Variants in GABPB1 observed in about 807,000 individuals in gnomAD.
GABPB1 encodes GA binding protein transcription factor subunit beta 1.
Under a neutral mutation model 45.9 loss-of-function variants are expected in GABPB1, and 15 were observed. The observed-to-expected ratio is 0.33, with a 90% CI of 0.22 to 0.50. The LOEUF is 0.50. Among genes scored for constraint, GABPB1 ranks in the 20% least tolerant of loss-of-function variants. The probability of loss-of-function intolerance (pLI) is 0.98; values close to 1 mark genes in which losing one functional copy is unlikely to be tolerated. For missense variants in GABPB1, 252 were observed against 457.5 expected (o/e 0.55, Z 4.10); for synonymous variants, 143 against 154.4 (o/e 0.93, Z 0.55).
At chr15:50,301,455 G>T in intron 4 of GABPB1, 87 bp from the exon 5 acceptor site, 1 of 1,186,620 alleles carries the variant, frequency 8.4e-7, no homozygotes, top group Non-Finnish European at 1.2e-6. Context: ...ACATATAAAG[G>T]AGTATTCTCT....
At chr15:50,324,540 C>CTTTTT (rs575280667) in intron 1 of GABPB1, among the ~76,000 whole-genome samples, 15 of 114,210 alleles carry the variant, frequency 1.3e-4, no homozygotes, top group East Asian at 2.9e-4. Context: ...GTCTCCGTGG[C>CTTTTT]TTTTTTTTTT....
chr15:50,315,946 C>T (rs996333823), intron 1 of GABPB1, among the ~76,000 whole-genome samples: 2 of 152,018 alleles, frequency 1.3e-5, no homozygotes, highest in African/African-American at 4.8e-5. Flanking sequence ...TGGGTGTGGT[C>T]CCAGCTACTC....
chr15:50,313,537 T>A (rs2047203046), intron 1 of GABPB1, among the ~76,000 whole-genome samples: 1 of 152,108 alleles, frequency 6.6e-6, no homozygotes, highest in African/African-American at 2.4e-5. Context: ...GATTTATCAG[T>A]AAAGATTATA....
rs575586274 is a variant in GABPB1 at position 50,335,156 on chromosome 15, CTTGT to C, written c.-1+19825_-1+19828del. On this transcript the variant is annotated intron_variant, in intron 1 of 8. Transcript: ENST00000380877. ...TATGCTTTGTAAAGACTTTTGTTTG[CTTGT>C]TTCCTTTCTCTTTTTTCCTCCTGCT... 4.3e-4 allele frequency among the ~76,000 whole-genome samples: 65 copies of C among 152,248 alleles called. 1 individual carries two copies. The South Asian group carries it at 0.013, about 32-fold the overall frequency.
At chr15:50,310,167 A>T (rs1447868436) in intron 1 of GABPB1, among the ~76,000 whole-genome samples, 1 of 152,178 alleles carries the variant, frequency 6.6e-6, no homozygotes, top group Non-Finnish European at 1.5e-5. Context: ...ATGTTGGCTC[A>T]CTGCAACCTC....
chr15:50,325,526 C>CT (rs998646571), intron 1 of GABPB1, among the ~76,000 whole-genome samples: 89 of 148,896 alleles, frequency 6.0e-4, no homozygotes, highest in African/African-American at 1.7e-3. Context: ...ACTGGTCAAA[C>CT]TTTTTTTTTT....
At chr15:50,353,558 G>T (rs372786901) in intron 1 of GABPB1, 2 of 150,362 alleles carry the variant, frequency 1.3e-5, no homozygotes, top group Non-Finnish European at 2.9e-5. Context: ...AACATGTAAT[G>T]GATTTATTTT....
intron 1 of GABPB1, among the ~76,000 whole-genome samples, chr15:50,310,284 G>C (rs922125541): frequency 1.3e-5 from 2 of 152,052 alleles, no homozygotes; most frequent in Non-Finnish European, 2.9e-5. Flanking sequence ...GTAGAGACAG[G>C]GTTTCACCAT....
At chr15:50,296,284 C>G (rs1457846443) in intron 6 of GABPB1, among the ~76,000 whole-genome samples, 2 of 152,208 alleles carry the variant, frequency 1.3e-5, no homozygotes, top group East Asian at 3.8e-4. Flanking sequence ...GGAGCTTACA[C>G]TATATTTTGG....
chr15:50,340,806 T>C (rs1440167225), intron 1 of GABPB1, among the ~76,000 whole-genome samples: 1 of 151,734 alleles, frequency 6.6e-6, no homozygotes, highest in Non-Finnish European at 1.5e-5. Flanking sequence ...TTACCTATTT[T>C]ACCATTTCAT....
At chr15:50,300,446 T>G (rs1190535415) in intron 6 of GABPB1, among the ~76,000 whole-genome samples, 5 of 123,934 alleles carry the variant, frequency 4.0e-5, no homozygotes, top group African/African-American at 1.1e-4. Context: ...GTTTTTTTTT[T>G]TTTTTTTTTT....
intron 1 of GABPB1, among the ~76,000 whole-genome samples, chr15:50,329,014 T>C (rs1437424174): frequency 1.3e-5 from 2 of 152,242 alleles, no homozygotes; most frequent in Non-Finnish European, 2.9e-5. Context: ...TTTCTTCTGA[T>C]GTTCAAATTG....
intron 8 of GABPB1, chr15:50,282,282 G>T: frequency 2.2e-6 from 1 of 455,036 alleles, no homozygotes; most frequent in African/African-American, 2.0e-5. Context: ...ATATGACCTG[G>T]ATATGGTGAC....
intron 4 of GABPB1, among the ~76,000 whole-genome samples, chr15:50,302,643 CAAAAAAAAA>C (rs60408137): frequency 3.2e-5 from 2 of 62,170 alleles, no homozygotes; most frequent in African/African-American, 5.9e-5. Flanking sequence ...GACTCTGGCT[CAAAAAAAAA>C]AAAAAAAAAA....
intron 1 of GABPB1, among the ~76,000 whole-genome samples, chr15:50,343,914 G>C (rs2141167684): frequency 6.6e-6 from 1 of 152,308 alleles, no homozygotes; most frequent in South Asian, 2.1e-4. Flanking sequence ...TTGGAAGTCA[G>C]AATAAACAAT....
chr15:50,294,350 C>T (rs2046443135), intron 6 of GABPB1, among the ~76,000 whole-genome samples: 1 of 152,012 alleles, frequency 6.6e-6, no homozygotes, highest in Admixed American at 6.6e-5. Flanking sequence ...CCCGTCTCTA[C>T]TAAAAATACA....
In GABPB1 at chr15:50,302,812, A is replaced by G. The variant is rs999501212; in HGVS notation, c.471+117T>C. 28 of 695,962 alleles carry G rather than the reference A, an allele frequency of 4.0e-5. No individual in the cohort carries two copies. In the Admixed American group the frequency reaches 7.1e-4, roughly 18 times the overall value. 43.1% of individuals were successfully genotyped at this position (695,962 alleles called of 1,614,324 possible). On this transcript the variant is annotated intron_variant, in intron 4 of 8. Coordinates refer to ENST00000380877, the MANE Select transcript of GABPB1 (RefSeq NM_016654.5). ...AAGAGAAAAAGGCCTATCCAAAATAACTAAGTCCAAAATGAAAGGCTACAA... is the reference window on the plus strand; with the variant it reads ...AAGAGAAAAAGGCCTATCCAAAATAGCTAAGTCCAAAATGAAAGGCTACAA...
chr15:50,313,830 ACTATAT>A, intron 1 of GABPB1, among the ~76,000 whole-genome samples: 1 of 152,166 alleles, frequency 6.6e-6, no homozygotes, highest in Non-Finnish European at 1.5e-5. Flanking sequence ...TTCTAATGTT[ACTATAT>A]TACCTAATTT....
intron 1 of GABPB1, among the ~76,000 whole-genome samples, chr15:50,314,097 A>T (rs977829213): frequency 6.6e-6 from 1 of 152,222 alleles, no homozygotes; most frequent in Non-Finnish European, 1.5e-5. Flanking sequence ...TTCAAAACAT[A>T]TCACAGTTTA....
Sources: allele counts gnomAD v4.1 joint callset (sites outside exome capture counted in the v4.1 genomes callset), GRCh38; gene constraint gnomAD v4.1.1; transcripts MANE v1.5; gene names NCBI Gene and HGNC (gene_info 2026-07-23, HGNC 2026-07-21).